Variants in ZNF800 observed in about 807,000 individuals in gnomAD.
ZNF800 encodes the protein zinc finger protein 800.
In ZNF800, 13 loss-of-function variants were observed where a neutral mutation model predicts 59.5. The ratio of observed to expected loss-of-function variants is 0.22; its 90% CI spans 0.14 to 0.35. ZNF800 has a LOEUF of 0.35. Ranked by LOEUF, ZNF800 falls within the 10% of genes least tolerant of loss-of-function variation. The pLI, the probability that ZNF800 is intolerant of heterozygous loss-of-function variation, is 1.00. For synonymous variants in ZNF800, 266 were observed against 265.7 expected, an observed-to-expected ratio of 1.00 and a Z score of -0.01; for missense variants, 621 against 783.7, an observed-to-expected ratio of 0.79 and a Z score of 2.48.
intron 5 of ZNF800, chr7:127,372,726 C>G (rs1004617504): frequency 5.1e-6 from 5 of 985,278 alleles, no homozygotes; most frequent in Non-Finnish European, 6.0e-6. Context: ...AAAATCCAAA[C>G]TTCTATTTAC....
At chr7:127,355,955 T>G (rs1442613668) in intron 1 of ZNF800, among the ~76,000 whole-genome samples, 1 of 152,024 alleles carries the variant, frequency 6.6e-6, no homozygotes, top group Non-Finnish European at 1.5e-5. Context: ...TATTATTTCC[T>G]AACACAATTT....
chr7:127,391,519 A>G lies in ZNF800; in HGVS notation c.39T>C (p.His13=). 1 of 1,614,170 alleles carries G rather than the reference A, an allele frequency of 6.2e-7. No individual in the cohort carries two copies. Among genetic ancestry groups the G allele is most frequent in the Non-Finnish European group, 8.5e-7 (1 of 1,180,022 alleles). Residue 13 remains histidine, a synonymous_variant, in exon 2 of 6, where the codon CAT becomes CAC. Coordinates refer to ENST00000265827, the MANE Select transcript of ZNF800 (RefSeq NM_176814.5). ...TACCTGGTTCACAGCATCCGTGATG[A>G]TGGTGGTCAGTCTGACAGTATTTGT... ...LRDKYCQTDH[H]HHGCCEPVYI...
In ZNF800 at chr7:127,377,158, C is replaced by A; in HGVS notation, c.301+28G>T. The A allele has an allele frequency of 1.3e-6, 2 of 1,588,514 alleles. No individual in the cohort carries two copies. The highest frequency in any genetic ancestry group is 1.7e-6 in the Non-Finnish European group (2 of 1,168,544). On this transcript the variant is annotated intron_variant, in intron 4 of 5. Coordinates refer to ENST00000265827, the MANE Select transcript of ZNF800 (RefSeq NM_176814.5). This position sits in a 1 kb window ranked among gnomAD's most constrained non-coding sequence, Gnocchi z 4.7. Reference sequence around the variant, plus strand: ...TATAAGAATACTTAGCTGTAAAATGCATAACTGAGTATATGAATAAAACTT... The same window carrying A: ...TATAAGAATACTTAGCTGTAAAATGAATAACTGAGTATATGAATAAAACTT...
Position 127,373,853 on chromosome 7 carries a change from A to G in ZNF800, c.1483T>C (p.Phe495Leu). The G allele has an allele frequency of 6.2e-7, 1 of 1,614,160 alleles. No individual in the cohort carries two copies. The highest frequency in any genetic ancestry group is 8.5e-7 in the Non-Finnish European group (1 of 1,180,022). ...QLYCKLCKRQ[F>L]TSKQNLTKHI... is the part of the protein sequence containing the mutation. The stretch of plus-strand genomic sequence containing the variant: ...TTAGTCAAGTTCTGTTTGGAAGTAA[A>G]CTGACGTTTACAAAGTTTACAGTAA... The change falls in exon 5 of 6, where the codon TTT (phenylalanine) becomes CTT (leucine). Residue 495 changes from phenylalanine to leucine, a missense_variant. Transcript: ENST00000265827.
At chr7:127,392,030 C>A (rs925342456) in intron 1 of ZNF800, 30 bp downstream of exon 1, 30 of 387,932 alleles carry the variant, frequency 7.7e-5, no homozygotes, top group East Asian at 6.2e-4. Flanking sequence ...GCGGAGACCC[C>A]GTCCCCACAA....
At chr7:127,366,219 T>C (rs1800504809), downstream of ZNF800, among the ~76,000 whole-genome samples, 1 of 152,110 alleles carries the variant, frequency 6.6e-6, no homozygotes, top group African/African-American at 2.4e-5. Flanking sequence ...GCTAGGCACA[T>C]GATGGATGCT....
At chr7:127,356,373 C>A (rs1402940560) in intron 1 of ZNF800, among the ~76,000 whole-genome samples, 1 of 151,698 alleles carries the variant, frequency 6.6e-6, no homozygotes, top group African/African-American at 2.4e-5. Context: ...TGGCACAGGG[C>A]AAGAAAGAAT....
At chr7:127,353,602 T>C (rs536931904) in intron 1 of ZNF800, among the ~76,000 whole-genome samples, 1 of 152,324 alleles carries the variant, frequency 6.6e-6, no homozygotes, top group African/African-American at 2.4e-5. Context: ...AAATAATACA[T>C]TGAGAAGGCC....
Position 127,381,734 on chromosome 7 carries a change from A to T in ZNF800, c.157+4326T>A, listed in dbSNP as rs114490941. Among the ~76,000 whole-genome samples the T allele has an allele frequency of 4.4e-3, 660 of 149,880 alleles. 5 individuals carry two copies. The highest frequency in any genetic ancestry group is 0.016 in the African/African-American group (628 of 39,908). ...GAAAACAAATCTACTTTTTTCTTAT[A>T]AAAAAAAGTCCCATTTTAAATTTCC... is the stretch of plus-strand genomic sequence containing the variant. On this transcript the variant is annotated intron_variant, in intron 3 of 5. Transcript: ENST00000265827.
chr7:127,355,638 AG>A (rs1800256208), intron 1 of ZNF800, among the ~76,000 whole-genome samples: 1 of 152,094 alleles, frequency 6.6e-6, no homozygotes, highest in South Asian at 2.1e-4. Context: ...CAGTTCTAGT[AG>A]GATGGGAGCA....
intron 5 of ZNF800, 103 bp from the exon 6 acceptor site, chr7:127,371,917 CAA>C: frequency 4.9e-6 from 3 of 607,822 alleles, no homozygotes; most frequent in Middle Eastern, 3.4e-4. Context: ...GGTTTCATCT[CAA>C]GTTTTCCACA....
chr7:127,373,328 T>TAA lies in ZNF800; in HGVS notation c.1994+12_1994+13dup, dbSNP rs770455761. On this transcript the variant is annotated intron_variant, in intron 5 of 5. Coordinates refer to ENST00000265827, the MANE Select transcript of ZNF800 (RefSeq NM_176814.5). The stretch of plus-strand genomic sequence containing the variant: ...TGGGGGGAAAAAAGCAAAACTCTGT[T>TAA]AACTGTTCCTCACCAGACAAGAGCC... The TAA allele has an allele frequency of 6.4e-7, 1 of 1,554,120 alleles. No homozygotes were observed. The highest frequency in any genetic ancestry group is 8.7e-7 in the Non-Finnish European group (1 of 1,153,686).
intron 1 of ZNF800, among the ~76,000 whole-genome samples, chr7:127,353,645 CTAAT>C (rs1216975593): frequency 6.6e-6 from 1 of 152,132 alleles, no homozygotes; most frequent in Admixed American, 6.5e-5. Context: ...GAATTACTGA[CTAAT>C]TATCTAACAT....
At chr7:127,346,305 T>C (rs1343303840), downstream of ZNF800, among the ~76,000 whole-genome samples, 11 of 152,170 alleles carry the variant, frequency 7.2e-5, no homozygotes, top group Admixed American at 7.2e-4. Flanking sequence ...GAGACTACAG[T>C]AGGAACAACA....
intron 1 of ZNF800, chr7:127,360,911 C>G (rs145079689): frequency 6.6e-6 from 1 of 152,244 alleles, no homozygotes; most frequent in Admixed American, 6.5e-5. Flanking sequence ...TGGCATGATA[C>G]TGGAGCAGTT....
At chr7:127,369,861 C>G (rs1404939097), downstream of ZNF800, among the ~76,000 whole-genome samples, 2 of 151,902 alleles carry the variant, frequency 1.3e-5, no homozygotes, top group Admixed American at 6.6e-5. Context: ...TCTTTCTTCT[C>G]TATAGTATTT....
At chr7:127,382,662 G>T (rs1801010428) in intron 3 of ZNF800, among the ~76,000 whole-genome samples, 1 of 151,946 alleles carries the variant, frequency 6.6e-6, no homozygotes, top group South Asian at 2.1e-4. Flanking sequence ...TGCAAAACCT[G>T]CAGGCTTCTT....
chr7:127,367,545 C>A (rs1310389713), downstream of ZNF800, among the ~76,000 whole-genome samples: 3 of 152,104 alleles, frequency 2.0e-5, no homozygotes, highest in Non-Finnish European at 2.9e-5. Flanking sequence ...TAGCAGAGTG[C>A]TTGGCATATA....
At chr7:127,378,961 T>G (rs544675289) in intron 3 of ZNF800, among the ~76,000 whole-genome samples, 2 of 152,102 alleles carry the variant, frequency 1.3e-5, no homozygotes, top group Non-Finnish European at 2.9e-5. Flanking sequence ...AAAGAAAATA[T>G]GAACCTAAAT....
Sources: allele counts gnomAD v4.1 joint callset (sites outside exome capture counted in the v4.1 genomes callset), GRCh38; gene constraint gnomAD v4.1.1; non-coding constraint Gnocchi (gnomAD v3.1); transcripts MANE v1.5; gene names NCBI Gene and HGNC (gene_info 2026-07-23, HGNC 2026-07-21).